The following DHX34 variants were observed in gnomAD, a reference collection of about 807,000 sequenced individuals.
DHX34 encodes DExH-box helicase 34.
DHX34 carries 96 observed loss-of-function variants against 111.1 expected under a neutral mutation model. The ratio of observed to expected loss-of-function variants is 0.86; its 90% CI spans 0.73 to 1.02. The LOEUF is 1.02. Ranked by LOEUF, DHX34 falls within the 50% of genes least tolerant of loss-of-function variation. The pLI, the probability that DHX34 is intolerant of heterozygous loss-of-function variation, is 0.00. For missense variants in DHX34, 1,560 were observed against 1,579.9 expected, an observed-to-expected ratio of 0.99 and a Z score of 0.21; for synonymous variants, 688 against 670.4, an observed-to-expected ratio of 1.03 and a Z score of -0.41.
intron 9 of DHX34, among the ~76,000 whole-genome samples, chr19:47,374,524 GCAGA>G (rs1970073217): frequency 6.6e-6 from 1 of 151,966 alleles, no homozygotes; most frequent in South Asian, 2.1e-4. Flanking sequence ...CCATCTGAGT[GCAGA>G]CAGACCTGCT....
intron 12 of DHX34, chr19:47,376,798 C>G: frequency 6.6e-7 from 1 of 1,506,212 alleles, no homozygotes; most frequent in Non-Finnish European, 8.9e-7. Context: ...GTGGCTGTGC[C>G]CAGAGAGTGA....
chr19:47,362,499 G>C lies in DHX34; in HGVS notation c.1399G>C (p.Asp467His), dbSNP rs145555932. The C allele has an allele frequency of 7.5e-6, 12 of 1,598,522 alleles. No homozygotes were observed. Among genetic ancestry groups the C allele is most frequent in the South Asian group, 1.1e-5 (1 of 89,930 alleles). Reference sequence around the variant, plus strand: ...AGGAAAGGTGAAGGAGATGAGCTACGATCCGCAGGCCAAGCTGCAACGGCT... The same window carrying C: ...AGGAAAGGTGAAGGAGATGAGCTACCATCCGCAGGCCAAGCTGCAACGGCT... Reference protein sequence around the residue: ...DSGKVKEMSYDPQAKLQRLQE... With the variant: ...DSGKVKEMSYHPQAKLQRLQE... Residue 467 changes from aspartate (D) to histidine (H), a missense_variant, in exon 6 of 17, where the codon GAT (aspartate) becomes CAT (histidine). Transcript: ENST00000328771.
intron 7 of DHX34, among the ~76,000 whole-genome samples, chr19:47,368,329 T>G (rs1969858188): frequency 8.3e-6 from 1 of 120,094 alleles, no homozygotes; most frequent in Non-Finnish European, 1.7e-5. Context: ...TTTTTGAGAC[T>G]GAGTTTCGCT....
At chr19:47,380,523 A>G (rs1412640196) in intron 14 of DHX34, among the ~76,000 whole-genome samples, 3 of 138,520 alleles carry the variant, frequency 2.2e-5, no homozygotes, top group Non-Finnish European at 4.6e-5. Flanking sequence ...TAGGAGGAGG[A>G]GGGGGGAGGT....
Position 47,382,124 on chromosome 19 carries a change from G to C in DHX34, c.*11G>C. On this transcript the variant is annotated 3_prime_UTR_variant, in exon 17 of 17. Coordinates refer to ENST00000328771, the MANE Select transcript of DHX34 (RefSeq NM_014681.6). ...AAGCAGCACGTGTGAGCTGGGCCAG[G>C]AGCCCTGCCCACCTCCGTGCAGCTG... 2 of 1,613,588 alleles carry C rather than the reference G, an allele frequency of 1.2e-6. No homozygotes were observed. Among genetic ancestry groups the C allele is most frequent in the Non-Finnish European group, 1.7e-6 (2 of 1,179,822 alleles).
chr19:47,375,248 C>T (rs1599772380), intron 9 of DHX34: 1 of 980,840 alleles, frequency 1.0e-6, no homozygotes, highest in Non-Finnish European at 1.2e-6. Context: ...GACGCCCGCA[C>T]CTGCCTCCTC....
rs372055971 is a variant in DHX34, at chr19:47,373,823, C to T, written c.2064+123C>T. On this transcript the variant is annotated intron_variant, in intron 9 of 16. Transcript: ENST00000328771. ...CCAGAATCCCACCCTGCACCCACCT[C>T]CCCCACCACCCGGTGACCAGGTGTT... 54 of 1,222,034 alleles carry T rather than the reference C, an allele frequency of 4.4e-5. No individual in the cohort carries two copies. In the African/African-American group the frequency reaches 7.0e-4, roughly 16 times the overall value. 75.7% of individuals were successfully genotyped at this position (1,222,034 alleles called of 1,614,324 possible).
chr19:47,364,184 T>A (rs1599761482), intron 6 of DHX34, among the ~76,000 whole-genome samples: 1 of 150,800 alleles, frequency 6.6e-6, no homozygotes, highest in African/African-American at 2.4e-5. Flanking sequence ...TACAGGAGGG[T>A]TTGCGGGTCG....
intron 7 of DHX34, among the ~76,000 whole-genome samples, chr19:47,369,537 C>T (rs989826779): frequency 2.0e-5 from 3 of 152,180 alleles, no homozygotes; most frequent in East Asian, 1.9e-4. Flanking sequence ...CCTGCCCTCA[C>T]GGAGCTCACA....
chr19:47,360,736 G>A (rs1599758705), intron 5 of DHX34, among the ~76,000 whole-genome samples: 1 of 151,990 alleles, frequency 6.6e-6, no homozygotes, highest in Non-Finnish European at 1.5e-5. Context: ...TTGCCAGACT[G>A]GAGTGCAATG....
chr19:47,359,686 G>A (rs1004180670), intron 4 of DHX34, among the ~76,000 whole-genome samples: 6 of 152,080 alleles, frequency 3.9e-5, no homozygotes, highest in African/African-American at 1.4e-4. Context: ...GGAGGCTGAG[G>A]CAAGATAATT....
intron 4 of DHX34, among the ~76,000 whole-genome samples, chr19:47,359,538 T>C (rs962543453): frequency 3.3e-5 from 5 of 151,520 alleles, no homozygotes; most frequent in Non-Finnish European, 7.4e-5. Context: ...TCCCAGCACA[T>C]TGGGAGGCCA....
intron 7 of DHX34, among the ~76,000 whole-genome samples, chr19:47,371,781 G>A (rs1345503471): frequency 1.3e-5 from 2 of 152,016 alleles, no homozygotes; most frequent in African/African-American, 2.4e-5. Flanking sequence ...TGTATTTTTA[G>A]TAGAGATGGA....
intron 14 of DHX34, 46 bp from the exon 15 acceptor site, chr19:47,380,770 T>G: frequency 6.2e-7 from 1 of 1,609,730 alleles, no homozygotes; most frequent in Non-Finnish European, 8.5e-7. Context: ...TTTGGCGGCA[T>G]CTCCCTGAGT....
rs73940814 is a variant in DHX34, at chr19:47,377,327, G to A, written c.2706+121G>A. On this transcript the variant is annotated intron_variant, in intron 13 of 16. Transcript: ENST00000328771. ...CCTGGCACCTGGGCTGGCCGCAGGC[G>A]TCAGCCTTGGGCCGTTGCTGTGGCT... 2.2e-3 allele frequency: 2,262 copies of A among 1,048,458 alleles called. 36 individuals carry two copies. In the African/African-American group the frequency reaches 0.032, roughly 15 times the overall value. 64.9% of individuals were successfully genotyped at this position (1,048,458 alleles called of 1,614,324 possible). A position where few individuals can be genotyped will look rare whatever the true frequency, so the allele number is the denominator to read the frequency against.
chr19:47,368,262 ATGTAACCAACAGTC>A (rs368942175), intron 7 of DHX34, among the ~76,000 whole-genome samples: 33,415 of 141,758 alleles, frequency 0.24, 5,955 homozygotes, highest in African/African-American at 0.49. Context: ...AAGGTGGGAG[ATGTAACCAACAGTC>A]TCATCATTCA....
chr19:47,350,680 A>G (rs1487896904), intron 1 of DHX34, among the ~76,000 whole-genome samples: 2 of 151,980 alleles, frequency 1.3e-5, no homozygotes, highest in African/African-American at 4.8e-5. Flanking sequence ...TCAGCCTCCC[A>G]AAGTGCTGGG....
chr19:47,376,151 A>G, intron 11 of DHX34, 54 bp downstream of exon 11: 1 of 1,519,374 alleles, frequency 6.6e-7, no homozygotes, highest in Non-Finnish European at 8.8e-7. Flanking sequence ...ACGAACCCTG[A>G]GTGCCTGTCC....
At position 47,380,781 on chromosome 19, in the gene DHX34, CTG is replaced by C. The variant is rs1275636677; in HGVS notation, c.2983-33_2983-32del. 3 of 1,612,386 alleles carry C rather than the reference CTG, an allele frequency of 1.9e-6. No homozygotes were observed. The African/African-American group carries it at 4.0e-5, about 22-fold the overall frequency. Reference sequence around the variant, plus strand: ...GTGCTTTGGCGGCATCTCCCTGAGTCTGTCTCTCTCCATTTCCTGTCTCTCCT... The same window carrying C: ...GTGCTTTGGCGGCATCTCCCTGAGTCTCTCTCTCCATTTCCTGTCTCTCCT... On this transcript the variant is annotated intron_variant, in intron 14 of 16. Transcript: ENST00000328771.
Sources: gnomAD v4.1 joint callset for allele counts (sites outside exome capture counted in the v4.1 genomes callset) on GRCh38, gnomAD v4.1.1 for gene constraint, MANE v1.5 for transcripts, NCBI Gene and HGNC (gene_info 2026-07-23, HGNC 2026-07-21) for gene names.